NMNAT2: variants seen among roughly 807,000 people sequenced by gnomAD.
NMNAT2 encodes the protein nicotinamide nucleotide adenylyltransferase 2, also known as nicotinamide/nicotinic acid mononucleotide adenylyltransferase 2.
A neutral mutation model predicts 41.6 loss-of-function variants in NMNAT2; 11 were observed. The ratio of observed to expected loss-of-function variants is 0.26; its 90% CI spans 0.17 to 0.44. The LOEUF (loss-of-function observed/expected upper bound fraction) is 0.44, where lower values mean the gene tolerates loss of function less well. Among genes scored for constraint, NMNAT2 ranks in the 20% least tolerant of loss-of-function variants. The pLI is 1.00. For missense variants in NMNAT2, 288 were observed against 407.7 expected (o/e 0.71, Z 2.53); for synonymous variants, 148 against 151.2 (o/e 0.98, Z 0.16).
rs188633306 is a variant in NMNAT2, at chr1:183,315,398, T to A, written c.86-21605A>T. 3.9e-3 allele frequency among the ~76,000 whole-genome samples: 596 copies of A among 152,204 alleles called. 1 individual carries two copies. The highest frequency in any genetic ancestry group is 6.8e-3 in the Middle Eastern group (2 of 294). On this transcript the variant is annotated intron_variant, in intron 1 of 10. Coordinates refer to ENST00000287713, the MANE Select transcript of NMNAT2 (RefSeq NM_015039.4). ...ATGTATCACGCATGTCGGTAACATG[T>A]GCAATAACAAGTCTTGAATTCCTTC...
intron 1 of NMNAT2, among the ~76,000 whole-genome samples, chr1:183,373,530 A>G (rs1047223912): frequency 1.1e-4 from 17 of 152,266 alleles, no homozygotes; most frequent in African/African-American, 4.1e-4. Context: ...AATTCCATGG[A>G]GTCACCAAGG....
intron 1 of NMNAT2, among the ~76,000 whole-genome samples, chr1:183,377,252 G>A (rs1230262845): frequency 6.6e-6 from 1 of 152,058 alleles, no homozygotes; most frequent in Non-Finnish European, 1.5e-5. Flanking sequence ...CTGAGTTCCA[G>A]ATTGACAGTG....
rs1660644734 is a variant in NMNAT2 at position 183,261,037 on chromosome 1, G to A, written c.786C>T (p.Asn262=). Residue 262 remains asparagine (N), a synonymous_variant, in exon 10 of 11, where the codon AAC becomes AAT. Transcript: ENST00000287713. ...NNIMVVKDDI[N]HPMSVVSSTK... The stretch of plus-strand genomic sequence containing the variant: ...TTGAGCTGACAACAGACATGGGATG[G>A]TTGATGTCATCCTTCACCACCATGA... 2 of 1,613,928 alleles carry A rather than the reference G, an allele frequency of 1.2e-6. No individual in the cohort carries two copies. The highest frequency in any genetic ancestry group is 2.2e-5 in the East Asian group (1 of 44,864).
intron 1 of NMNAT2, among the ~76,000 whole-genome samples, chr1:183,323,355 T>C (rs12046463): frequency 0.22 from 34,069 of 152,094 alleles, 3,971 homozygotes; most frequent in African/African-American, 0.28. Flanking sequence ...CCTTGCTTCC[T>C]CTTTCACCCT....
chr1:183,412,645 A>T (rs1649150405), intron 1 of NMNAT2, among the ~76,000 whole-genome samples: 1 of 152,248 alleles, frequency 6.6e-6, no homozygotes, highest in Admixed American at 6.5e-5. Context: ...TGCACCAGGG[A>T]TGTAGATGGA....
chr1:183,291,797 T>C (rs1460530677), intron 3 of NMNAT2, among the ~76,000 whole-genome samples: 1 of 152,150 alleles, frequency 6.6e-6, no homozygotes, highest in Non-Finnish European at 1.5e-5. Flanking sequence ...CCCTTTCATT[T>C]CTCTGGGCCT....
At position 183,248,891 on chromosome 1, in the gene NMNAT2, AGTGTGT is replaced by A. The variant is rs71555406; in HGVS notation, c.*3744_*3749del. On this transcript the variant is annotated 3_prime_UTR_variant, in exon 11 of 11. Transcript: ENST00000287713. ...CTTCTCTCTCTTAGTCCCCTAAAAGAGTGTGTGTGTGTGTGTGTGTGTGTGTGTGTG... is the reference window on the plus strand; with the variant it reads ...CTTCTCTCTCTTAGTCCCCTAAAAGAGTGTGTGTGTGTGTGTGTGTGTGTG... The A allele has an allele frequency of 0.017, 2,434 of 142,704 alleles. 30 individuals carry two copies. The highest frequency in any genetic ancestry group is 0.037 in the African/African-American group (1,402 of 38,368). 8.8% of individuals were successfully genotyped at this position (142,704 alleles called of 1,614,324 possible).
chr1:183,319,667 CCTCT>C (rs1377652274), intron 1 of NMNAT2, among the ~76,000 whole-genome samples: 1 of 152,082 alleles, frequency 6.6e-6, no homozygotes, highest in Non-Finnish European at 1.5e-5. Flanking sequence ...TCTCTCTTCC[CCTCT>C]CTCTTTCTCT....
chr1:183,302,694 C>A (rs573730188), intron 1 of NMNAT2, among the ~76,000 whole-genome samples: 2 of 152,306 alleles, frequency 1.3e-5, no homozygotes, highest in Admixed American at 1.3e-4. Flanking sequence ...AGGTACCGAA[C>A]AACTAGGGAT....
intron 1 of NMNAT2, among the ~76,000 whole-genome samples, chr1:183,353,290 G>A (rs1486391239): frequency 6.6e-6 from 1 of 152,178 alleles, no homozygotes. Flanking sequence ...ACAGGAGTGA[G>A]CCACTGTGCC....
chr1:183,410,054 A>G (rs1649072266), intron 1 of NMNAT2, among the ~76,000 whole-genome samples: 1 of 152,070 alleles, frequency 6.6e-6, no homozygotes, highest in South Asian at 2.1e-4. Context: ...CACCCCTGCA[A>G]TCTCAGCACT....
intron 1 of NMNAT2, among the ~76,000 whole-genome samples, chr1:183,308,981 C>T (rs1004024863): frequency 6.6e-6 from 1 of 152,072 alleles, no homozygotes; most frequent in Non-Finnish European, 1.5e-5. Flanking sequence ...CCTGGAAAGC[C>T]CTGGGAACAA....
chr1:183,308,181 C>T lies in NMNAT2; in HGVS notation c.86-14388G>A, dbSNP rs186519471. 2.0e-5 allele frequency among the ~76,000 whole-genome samples: 3 copies of T among 152,302 alleles called. No homozygotes were observed. In the East Asian group the frequency reaches 5.8e-4, roughly 29 times the overall value. ...ATTTTGCTGCTTTTCCCTCAACTGACCCAGAGGTATGATCCCAGGGGACAC... is the reference window on the plus strand; with the variant it reads ...ATTTTGCTGCTTTTCCCTCAACTGATCCAGAGGTATGATCCCAGGGGACAC... On this transcript the variant is annotated intron_variant, in intron 1 of 10. Coordinates refer to ENST00000287713, the MANE Select transcript of NMNAT2 (RefSeq NM_015039.4).
chr1:183,340,358 T>C (rs1267926529), intron 1 of NMNAT2, among the ~76,000 whole-genome samples: 1 of 149,102 alleles, frequency 6.7e-6, no homozygotes, highest in Non-Finnish European at 1.5e-5. Flanking sequence ...ATTGTTGCTC[T>C]GCCACCCAGG....
At chr1:183,307,658 G>A (rs6688595) in intron 1 of NMNAT2, among the ~76,000 whole-genome samples, 187 of 152,280 alleles carry the variant, frequency 1.2e-3, no homozygotes, top group African/African-American at 4.4e-3. Context: ...GGCTAGGCTG[G>A]TCTTGAACTC....
chr1:183,319,660 C>G (rs571265582), intron 1 of NMNAT2, among the ~76,000 whole-genome samples: 15 of 152,304 alleles, frequency 9.8e-5, no homozygotes, highest in African/African-American at 2.4e-4. Flanking sequence ...CTCTCTCTCT[C>G]TCTTCCCCTC....
At chr1:183,382,278 C>T (rs1663816786) in intron 1 of NMNAT2, among the ~76,000 whole-genome samples, 1 of 152,136 alleles carries the variant, frequency 6.6e-6, no homozygotes, top group Admixed American at 6.6e-5. Context: ...GGGAGATCTG[C>T]CCCCATGATC....
At chr1:183,292,031 C>T (rs1030455228) in intron 3 of NMNAT2, among the ~76,000 whole-genome samples, 9 of 152,198 alleles carry the variant, frequency 5.9e-5, no homozygotes, top group African/African-American at 1.9e-4. Flanking sequence ...GTCAGCATCC[C>T]GTCACTTCGC....
At chr1:183,387,970 T>A (rs1157042359) in intron 1 of NMNAT2, among the ~76,000 whole-genome samples, 1 of 152,222 alleles carries the variant, frequency 6.6e-6, no homozygotes, top group Non-Finnish European at 1.5e-5. Flanking sequence ...AACACCAGAA[T>A]AATGTTAATA....
Sources: allele counts gnomAD v4.1 joint callset (sites outside exome capture counted in the v4.1 genomes callset), GRCh38; gene constraint gnomAD v4.1.1; transcripts MANE v1.5; gene names NCBI Gene and HGNC (gene_info 2026-07-23, HGNC 2026-07-21).